SGK3: variants seen among roughly 807,000 people sequenced by gnomAD.
SGK3 encodes the protein serum/glucocorticoid regulated kinase family member 3.
Under a neutral mutation model 68.5 loss-of-function variants are expected in SGK3, and 47 were observed. The observed-to-expected ratio is 0.69, with a 90% CI of 0.54 to 0.87. The LOEUF is 0.87. Ranked by LOEUF, SGK3 falls within the 40% of genes least tolerant of loss-of-function variation. The pLI is 0.00. For synonymous variants in SGK3, 181 were observed against 189.1 expected (o/e 0.96, Z 0.35); for missense variants, 479 against 575.5 (o/e 0.83, Z 1.72).
intron 1 of SGK3, among the ~76,000 whole-genome samples, chr8:66,777,643 T>C (rs1806764379): frequency 6.6e-6 from 1 of 152,184 alleles, no homozygotes; most frequent in African/African-American, 2.4e-5. Flanking sequence ...ATTTCTTCAT[T>C]CCCTTCATTT....
chr8:66,825,072 G>A (rs1177908658), intron 6 of SGK3, among the ~76,000 whole-genome samples: 1 of 152,116 alleles, frequency 6.6e-6, no homozygotes, highest in African/African-American at 2.4e-5. Flanking sequence ...GGTAGGTTTA[G>A]GTTATTTGAA....
chr8:66,846,492 T>C (rs1810021934), intron 14 of SGK3, among the ~76,000 whole-genome samples: 1 of 152,094 alleles, frequency 6.6e-6, no homozygotes, highest in Non-Finnish European at 1.5e-5. Context: ...TTTTTTATTT[T>C]TTCAGTAGAG....
intron 8 of SGK3, among the ~76,000 whole-genome samples, chr8:66,832,867 T>G (rs1015305366): frequency 6.6e-6 from 1 of 152,138 alleles, no homozygotes; most frequent in African/African-American, 2.4e-5. Flanking sequence ...GATAACCAGC[T>G]GATCTTATAC....
intron 1 of SGK3, among the ~76,000 whole-genome samples, chr8:66,757,129 A>ATTTTTTT (rs796848968): frequency 9.3e-6 from 1 of 107,058 alleles, no homozygotes; most frequent in African/African-American, 3.5e-5. Flanking sequence ...CTCAGGCCCT[A>ATTTTTTT]TTTTTTTTTT....
chr8:66,730,027 C>T (rs1805101411), intron 1 of SGK3, among the ~76,000 whole-genome samples: 1 of 152,090 alleles, frequency 6.6e-6, no homozygotes, highest in African/African-American at 2.4e-5. Context: ...CACCAGCCAC[C>T]CAGCACTTTG....
chr8:66,838,057 A>G (rs567887584), intron 10 of SGK3, among the ~76,000 whole-genome samples: 7 of 152,300 alleles, frequency 4.6e-5, no homozygotes, highest in Admixed American at 1.3e-4. Context: ...ATTAAATGCC[A>G]TGAAATTTTC....
At chr8:66,842,775 A>G (rs780614797) in intron 13 of SGK3, among the ~76,000 whole-genome samples, 1 of 152,236 alleles carries the variant, frequency 6.6e-6, no homozygotes, top group Non-Finnish European at 1.5e-5. Context: ...TAATTGCTAC[A>G]TTAAGTATTC....
intron 1 of SGK3, among the ~76,000 whole-genome samples, chr8:66,761,155 G>A (rs952811233): frequency 2.0e-5 from 3 of 152,058 alleles, no homozygotes; most frequent in African/African-American, 4.8e-5. Context: ...GCCCAGGCTG[G>A]AGTATAGTAG....
intron 1 of SGK3, among the ~76,000 whole-genome samples, chr8:66,767,229 A>ATT (rs1283376866): frequency 6.6e-6 from 1 of 152,102 alleles, no homozygotes; most frequent in Non-Finnish European, 1.5e-5. Context: ...ATTTTGGATT[A>ATT]AGCATTATTA....
chr8:66,793,688 GCTGA>G lies in SGK3; in HGVS notation c.-45_-42del. On this transcript the variant is annotated 5_prime_UTR_variant, in exon 2 of 17. Transcript: ENST00000521198. Reference sequence around the variant, plus strand: ...GATTAGTTAATTGGGTTTGTCCTCTGCTGACTGTTTCTTCGGATGCATTTTTTGG... The same window carrying G: ...GATTAGTTAATTGGGTTTGTCCTCTGCTGTTTCTTCGGATGCATTTTTTGG... 1 of 1,579,552 alleles carries G rather than the reference GCTGA, an allele frequency of 6.3e-7. No individual in the cohort carries two copies. The highest frequency in any genetic ancestry group is 8.6e-7 in the Non-Finnish European group (1 of 1,158,256).
intron 6 of SGK3, among the ~76,000 whole-genome samples, chr8:66,826,661 T>C (rs1809068901): frequency 6.6e-6 from 1 of 152,162 alleles, no homozygotes. Context: ...TTTTATTTTA[T>C]TTTGAGACAG....
chr8:66,852,277 CTT>C (rs1204346785), intron 16 of SGK3, among the ~76,000 whole-genome samples: 230 of 107,166 alleles, frequency 2.1e-3, no homozygotes, highest in Middle Eastern at 0.018. Flanking sequence ...TTAAGGAATC[CTT>C]TTTTTTTTTT....
chr8:66,757,693 T>A (rs1305131242), intron 1 of SGK3, among the ~76,000 whole-genome samples: 2 of 151,042 alleles, frequency 1.3e-5, no homozygotes, highest in African/African-American at 4.9e-5. Context: ...GGTGGAGAGA[T>A]CACTTGAGGT....
At chr8:66,857,817 G>GTGTGTC (rs1336351204) in intron 16 of SGK3, among the ~76,000 whole-genome samples, 1 of 147,380 alleles carries the variant, frequency 6.8e-6, no homozygotes, top group Non-Finnish European at 1.5e-5. Context: ...GTGTGTGTGT[G>GTGTGTC]TGTGTGTGTG....
At chr8:66,823,657 A>G (rs879573120) in intron 6 of SGK3, among the ~76,000 whole-genome samples, 2 of 152,038 alleles carry the variant, frequency 1.3e-5, no homozygotes, top group African/African-American at 4.8e-5. Flanking sequence ...CGGCCTCCCA[A>G]AGTGCTGGGA....
intron 1 of SGK3, chr8:66,767,893 C>T (rs768453872): frequency 3.2e-6 from 4 of 1,235,414 alleles, no homozygotes; most frequent in Non-Finnish European, 4.8e-6. Flanking sequence ...AACTTGAGAT[C>T]TCCCATCTAA....
At chr8:66,823,584 G>A (rs985392666) in intron 6 of SGK3, among the ~76,000 whole-genome samples, 3 of 151,998 alleles carry the variant, frequency 2.0e-5, no homozygotes, top group Non-Finnish European at 2.9e-5. Flanking sequence ...TTTTAGTAGA[G>A]ATGGAGTTTC....
At chr8:66,728,959 C>T (rs987661436) in intron 1 of SGK3, among the ~76,000 whole-genome samples, 31 of 151,858 alleles carry the variant, frequency 2.0e-4, no homozygotes, top group Admixed American at 4.6e-4. Flanking sequence ...GTGGCTCATG[C>T]CTGTAATCCC....
At chr8:66,742,145 C>T (rs1315313719) in intron 1 of SGK3, among the ~76,000 whole-genome samples, 2 of 152,158 alleles carry the variant, frequency 1.3e-5, no homozygotes, top group African/African-American at 4.8e-5. Flanking sequence ...GTACAAAGAG[C>T]TATCTGTATT....
Sources: allele counts gnomAD v4.1 joint callset (sites outside exome capture counted in the v4.1 genomes callset), GRCh38; gene constraint gnomAD v4.1.1; transcripts MANE v1.5; gene names NCBI Gene and HGNC (gene_info 2026-07-23, HGNC 2026-07-21).